Variants in FCHSD2 observed in about 807,000 individuals in gnomAD.
FCHSD2 encodes the protein FCH and double SH3 domains 2.
FCHSD2 carries 38 observed loss-of-function variants against 108.1 expected under a neutral mutation model. That is an observed-to-expected ratio of 0.35 (90% CI 0.27 to 0.46). The LOEUF (loss-of-function observed/expected upper bound fraction) is 0.46, where lower values mean the gene tolerates loss of function less well. FCHSD2 is among the 20% of genes least tolerant of loss of function. The pLI is 1.00. For synonymous variants in FCHSD2, 279 were observed against 314.7 expected, an observed-to-expected ratio of 0.89 and a Z score of 1.20; for missense variants, 751 against 897.8, an observed-to-expected ratio of 0.84 and a Z score of 2.09.
chr11:72,924,208 T>C (rs1856030468), intron 8 of FCHSD2, among the ~76,000 whole-genome samples: 1 of 152,200 alleles, frequency 6.6e-6, no homozygotes, highest in Non-Finnish European at 1.5e-5. Context: ...CCTAAATAGC[T>C]GGGACCACAG....
intron 9 of FCHSD2, among the ~76,000 whole-genome samples, chr11:72,905,592 CCCCACCCCCCGACAGGT>C (rs998708670): frequency 7.2e-5 from 11 of 152,074 alleles, no homozygotes; most frequent in Non-Finnish European, 1.0e-4. Flanking sequence ...TCCCCTAGCC[CCCCACCCCCCGACAGGT>C]CCCAGTGCGT....
chr11:72,952,392 T>C (rs946017773), intron 8 of FCHSD2, among the ~76,000 whole-genome samples: 2 of 152,082 alleles, frequency 1.3e-5, no homozygotes, highest in African/African-American at 4.8e-5. Context: ...TGGCACTATT[T>C]CGGCTCACTG....
intron 12 of FCHSD2, among the ~76,000 whole-genome samples, chr11:72,883,932 A>C (rs1217485630): frequency 8.1e-6 from 1 of 124,012 alleles, no homozygotes; most frequent in Non-Finnish European, 1.7e-5. Flanking sequence ...ACCGTGTCTC[A>C]AAAAAAAAAA....
intron 9 of FCHSD2, among the ~76,000 whole-genome samples, chr11:72,903,361 C>T (rs1565314247): frequency 6.6e-6 from 1 of 151,926 alleles, no homozygotes; most frequent in African/African-American, 2.4e-5. Context: ...GGACTACAGG[C>T]GCCCGCCACT....
chr11:73,024,518 G>C (rs563900933), intron 3 of FCHSD2, among the ~76,000 whole-genome samples: 13 of 152,104 alleles, frequency 8.5e-5, no homozygotes, highest in Non-Finnish European at 1.9e-4. Context: ...CTCAGTGTTG[G>C]AGTGGGACTT....
intron 4 of FCHSD2, among the ~76,000 whole-genome samples, chr11:73,005,116 C>A (rs1174616572): frequency 6.6e-6 from 1 of 152,228 alleles, no homozygotes; most frequent in Non-Finnish European, 1.5e-5. Context: ...TCCATCTCTA[C>A]TGGAGCATTC....
chr11:72,867,702 G>T (rs888717545), intron 13 of FCHSD2, among the ~76,000 whole-genome samples, 163 bp downstream of exon 13: 2 of 151,206 alleles, frequency 1.3e-5, no homozygotes, highest in South Asian at 2.1e-4. Context: ...TTCACTTCCC[G>T]CAATAATTTT....
chr11:73,045,469 G>A (rs567018117), intron 3 of FCHSD2, among the ~76,000 whole-genome samples: 5 of 151,996 alleles, frequency 3.3e-5, no homozygotes, highest in Non-Finnish European at 5.9e-5. Flanking sequence ...ACATGCACAC[G>A]TATGTTTATT....
At chr11:73,034,370 T>C (rs1364269243) in intron 3 of FCHSD2, among the ~76,000 whole-genome samples, 1 of 152,258 alleles carries the variant, frequency 6.6e-6, no homozygotes, top group African/African-American at 2.4e-5. Context: ...CCTGTCTGAT[T>C]TGACTTTGGT....
At chr11:72,889,494 G>C (rs544342448) in intron 11 of FCHSD2, among the ~76,000 whole-genome samples, 1 of 152,124 alleles carries the variant, frequency 6.6e-6, no homozygotes. Context: ...TATAATGCTT[G>C]AGCAAAGGAG....
At chr11:72,972,845 A>G (rs947548760) in intron 8 of FCHSD2, among the ~76,000 whole-genome samples, 16 of 152,214 alleles carry the variant, frequency 1.1e-4, no homozygotes, top group Admixed American at 5.2e-4. Context: ...CACCTAGTAC[A>G]AACTCAAATG....
rs550976279 is a variant in FCHSD2, at chr11:72,898,917, A to T, written c.924+3626T>A. Among the ~76,000 whole-genome samples, 233 of 146,570 alleles carry T rather than the reference A, an allele frequency of 1.6e-3. 1 individual carries two copies. The highest frequency in any genetic ancestry group is 3.7e-3 in the South Asian group (17 of 4,650). ...GCTAGTTTTCTGTATTATTATTATT[A>T]TTTTTTTTTTAGAGAAAGGGTTTCG... On this transcript the variant is annotated intron_variant, in intron 10 of 19. Transcript: ENST00000409418.
At chr11:73,021,788 C>A (rs1329894837) in intron 3 of FCHSD2, among the ~76,000 whole-genome samples, 1 of 152,010 alleles carries the variant, frequency 6.6e-6, no homozygotes, top group Non-Finnish European at 1.5e-5. Context: ...AACCTAATAA[C>A]GGATATATAC....
At chr11:73,102,019 T>C (rs1266391199) in intron 2 of FCHSD2, among the ~76,000 whole-genome samples, 4 of 152,162 alleles carry the variant, frequency 2.6e-5, no homozygotes, top group African/African-American at 7.2e-5. Flanking sequence ...AATGCTACAA[T>C]TGAAGTTTGA....
chr11:72,882,580 T>G (rs895661949), intron 12 of FCHSD2, among the ~76,000 whole-genome samples: 1 of 152,224 alleles, frequency 6.6e-6, no homozygotes, highest in Non-Finnish European at 1.5e-5. Context: ...TCTGAGGTGA[T>G]AGATATCTTA....
At chr11:72,905,147 G>A (rs914784921) in intron 9 of FCHSD2, among the ~76,000 whole-genome samples, 1 of 152,132 alleles carries the variant, frequency 6.6e-6, no homozygotes, top group Non-Finnish European at 1.5e-5. Flanking sequence ...GTCCAAGATC[G>A]AGTGTTGACA....
chr11:73,101,741 CG>C (rs1565411158), intron 2 of FCHSD2, among the ~76,000 whole-genome samples: 2 of 151,524 alleles, frequency 1.3e-5, no homozygotes, highest in Non-Finnish European at 2.9e-5. Context: ...CCCCCGCCCC[CG>C]AAAAAAACAC....
rs187143815 is a variant in FCHSD2, at chr11:72,867,778, A to G, written c.1308+87T>C. ...CTAGCAAACTATTATCTTTTTAAAA[A>G]ATTTTGGCTATTATTAAGTTTGACT... On this transcript the variant is annotated intron_variant, in intron 13 of 19. Transcript: ENST00000409418. The G allele has an allele frequency of 8.5e-4, 969 of 1,145,788 alleles. 8 individuals are homozygous for G. In the Admixed American group the frequency reaches 0.011, roughly 13 times the overall value. 71.0% of individuals were successfully genotyped at this position (1,145,788 alleles called of 1,614,324 possible). A position where few individuals can be genotyped will look rare whatever the true frequency, so the allele number is the denominator to read the frequency against.
rs756514054 is a variant in FCHSD2, at chr11:72,967,084, C to G, written c.705+17004G>C. On this transcript the variant is annotated intron_variant, in intron 8 of 19. Coordinates refer to ENST00000409418, the MANE Select transcript of FCHSD2 (RefSeq NM_014824.3). ...GCCTGGTGGCGGGCACCTGTGGTCC[C>G]AGCTACTCAGGAGGCTGAGGCAGGA... 1.7e-4 allele frequency among the ~76,000 whole-genome samples: 26 copies of G among 151,802 alleles called. No homozygotes were observed. The South Asian group carries it at 5.0e-3, about 29-fold the overall frequency.
Sources: gnomAD v4.1 joint callset for allele counts (sites outside exome capture counted in the v4.1 genomes callset) on GRCh38, gnomAD v4.1.1 for gene constraint, MANE v1.5 for transcripts, NCBI Gene and HGNC (gene_info 2026-07-23, HGNC 2026-07-21) for gene names.